Variants in CPEB2 observed in about 807,000 individuals in gnomAD.
The protein encoded by CPEB2 is cytoplasmic polyadenylation element binding protein 2.
Under a neutral mutation model 93.6 loss-of-function variants are expected in CPEB2, and 56 were observed. That is an observed-to-expected ratio of 0.60 (90% CI 0.48 to 0.75). The LOEUF is 0.75. Ranked by LOEUF, CPEB2 falls within the 30% of genes least tolerant of loss-of-function variation. The probability of loss-of-function intolerance (pLI) is 0.00; values close to 1 mark genes in which losing one functional copy is unlikely to be tolerated. For missense variants in CPEB2, 1,579 were observed against 1,395.1 expected (o/e 1.13, Z -2.10); for synonymous variants, 764 against 586.3 (o/e 1.30, Z -4.38).
chr4:15,052,548 G>A lies in CPEB2; in HGVS notation c.2335G>A (p.Val779Ile), dbSNP rs1478057122. ...GCGAATAGAACGCTTCTCTCGAAAA[G>A]TTTTTGTTGGTGGTCTTCCTCCAGA... is the stretch of plus-strand genomic sequence containing the variant. ...GERIERFSRKVFVGGLPPDID... is the reference protein window; with the variant it reads ...GERIERFSRKIFVGGLPPDID... The change falls in exon 7 of 12, where the codon GTT becomes ATT. Residue 779 changes from valine (V) to isoleucine (I), a missense_variant. Transcript: ENST00000538197. The A allele has an allele frequency of 6.4e-7, 1 of 1,558,398 alleles. No individual in the cohort carries two copies. Among genetic ancestry groups the A allele is most frequent in the Non-Finnish European group, 8.7e-7 (1 of 1,144,926 alleles).
rs751543527 is a variant in CPEB2, at chr4:15,004,149, C to T, written c.1476C>T (p.Phe492=). The T allele has an allele frequency of 6.4e-6, 9 of 1,396,784 alleles. No individual in the cohort carries two copies. The South Asian group carries it at 1.2e-4, about 18-fold the overall frequency. The allele number at this position is 1,396,784 out of a possible 1,614,324, so 86.5% of individuals were successfully genotyped here. A position where few individuals can be genotyped will look rare whatever the true frequency, so the allele number is the denominator to read the frequency against. The change falls in exon 1 of 12, where the codon TTC becomes TTT. Residue 492 remains phenylalanine (F), a synonymous_variant. Transcript: ENST00000538197. ...GCGGCGGCGGCTTCGGCGGCCCCTT[C>T]TCGGCTACCGCTGTGCCCCCTCCGC... ...GGGGGGFGGP[F]SATAVPPPPP... is the part of the protein sequence containing the mutation.
chr4:15,066,377 C>G lies in CPEB2; in HGVS notation c.3102C>G (p.Asn1034Lys). Reference sequence around the variant, plus strand: ...CACGTCAGATCCACTTCCGCTGGAACTAAGAATAGCAAACTGGCCTCTGTT... The same window carrying G: ...CACGTCAGATCCACTTCCGCTGGAAGTAAGAATAGCAAACTGGCCTCTGTT... ...DRPRQIHFRW[N>K] The change falls in exon 12 of 12, where the codon AAC becomes AAG. Residue 1034 changes from asparagine to lysine, a missense_variant. Around this residue, in one of 2 missense-constraint regions of CPEB2, gnomAD observed 168 missense variants for 339.1 expected, o/e 0.50. Coordinates refer to ENST00000538197, the MANE Select transcript of CPEB2 (RefSeq NM_001177382.2). 3 of 1,592,572 alleles carry G rather than the reference C, an allele frequency of 1.9e-6. No homozygotes were observed. The highest frequency in any genetic ancestry group is 2.6e-6 in the Non-Finnish European group (3 of 1,167,692).
chr4:15,020,601 T>A (rs1724701761), intron 4 of CPEB2, among the ~76,000 whole-genome samples: 1 of 152,142 alleles, frequency 6.6e-6, no homozygotes, highest in African/African-American at 2.4e-5. Flanking sequence ...AATGTTAATA[T>A]TTTCATGGTC....
chr4:15,025,404 G>T (rs774756241), intron 4 of CPEB2, among the ~76,000 whole-genome samples: 7 of 151,580 alleles, frequency 4.6e-5, no homozygotes, highest in Non-Finnish European at 8.8e-5. Context: ...TCATGTTGGG[G>T]GCTTCATCTT....
intron 6 of CPEB2, among the ~76,000 whole-genome samples, chr4:15,040,932 T>C (rs1274436513): frequency 3.9e-5 from 6 of 152,170 alleles, no homozygotes; most frequent in Admixed American, 3.9e-4. Flanking sequence ...ACCAAATAGA[T>C]TATTTTTAAC....
chr4:15,035,593 AT>A (rs1311211382), intron 5 of CPEB2, among the ~76,000 whole-genome samples: 7 of 152,212 alleles, frequency 4.6e-5, no homozygotes, highest in Admixed American at 3.9e-4. Context: ...AAGAGAAAAC[AT>A]AACTGATATT....
At chr4:15,022,762 T>A (rs1412473050) in intron 4 of CPEB2, among the ~76,000 whole-genome samples, 1 of 152,112 alleles carries the variant, frequency 6.6e-6, no homozygotes, top group Non-Finnish European at 1.5e-5. Context: ...TACTTGACCC[T>A]TCCACTACTA....
intron 10 of CPEB2, 113 bp downstream of exon 10, chr4:15,059,414 C>T: frequency 1.8e-6 from 1 of 569,098 alleles, no homozygotes; most frequent in Non-Finnish European, 3.0e-6. Flanking sequence ...AGAGCAGGAG[C>T]AGATTCTGCA....
intron 8 of CPEB2, among the ~76,000 whole-genome samples, chr4:15,054,577 A>C (rs1728541555): frequency 6.6e-6 from 1 of 152,256 alleles, no homozygotes; most frequent in Admixed American, 6.5e-5. Context: ...TAAATAATTT[A>C]GATAAAAGAC....
chr4:15,003,368 C>T lies in CPEB2; in HGVS notation c.695C>T (p.Pro232Leu), dbSNP rs773279067. 303 of 1,386,194 alleles carry T rather than the reference C, an allele frequency of 2.2e-4. No individual in the cohort carries two copies. The highest frequency in any genetic ancestry group is 1.1e-3 in the South Asian group (64 of 58,516). 85.9% of individuals were successfully genotyped at this position (1,386,194 alleles called of 1,614,324 possible). A position where few individuals can be genotyped will look rare whatever the true frequency, so the allele number is the denominator to read the frequency against. The change falls in exon 1 of 12, where the codon CCG (proline) becomes CTG (leucine). Residue 232 changes from proline (P) to leucine (L), a missense_variant. Physicochemically the swap from Pro to Leu is moderately conservative, Grantham distance 98 (BLOSUM62 -3). Around this residue, in one of 2 missense-constraint regions of CPEB2, gnomAD observed 1,411 missense variants for 1,056.0 expected, o/e 1.34. Coordinates refer to ENST00000538197, the MANE Select transcript of CPEB2 (RefSeq NM_001177382.2). ...AQLAQRQQQQ[P>L]PQQFSLLHQQ... ...CTCGCTCAGCGCCAGCAGCAACAGC[C>T]GCCGCAGCAGTTCAGCCTCCTGCAT... is the stretch of plus-strand genomic sequence containing the variant.
intron 1 of CPEB2, among the ~76,000 whole-genome samples, chr4:15,006,254 C>G (rs1289808635): frequency 6.6e-6 from 1 of 152,086 alleles, no homozygotes; most frequent in African/African-American, 2.4e-5. Context: ...TGCTGTAGAT[C>G]AGGAGTTTCT....
At chr4:15,026,417 G>A (rs773728464) in intron 4 of CPEB2, among the ~76,000 whole-genome samples, 5 of 151,878 alleles carry the variant, frequency 3.3e-5, no homozygotes, top group Non-Finnish European at 5.9e-5. Context: ...TAGTAGAGAT[G>A]GGGTTTCACC....
At chr4:15,040,733 A>C (rs1163653502) in intron 6 of CPEB2, among the ~76,000 whole-genome samples, 1 of 152,182 alleles carries the variant, frequency 6.6e-6, no homozygotes, top group Non-Finnish European at 1.5e-5. Context: ...TAGTTTTTAA[A>C]GTTACTTCTG....
rs897665143 is a variant in CPEB2 at position 15,003,225 on chromosome 4, T to A, written c.552T>A (p.Pro184=). The A allele has an allele frequency of 6.6e-7, 1 of 1,526,400 alleles. No individual in the cohort carries two copies. Among genetic ancestry groups the A allele is most frequent in the African/African-American group, 1.4e-5 (1 of 70,336 alleles). 94.6% of individuals were successfully genotyped at this position (1,526,400 alleles called of 1,614,324 possible). A position where few individuals can be genotyped will look rare whatever the true frequency, so the allele number is the denominator to read the frequency against. ...GCCAGAAGAGGAAAGAGTTCAGCCC[T>A]CCCCACCTTCCCCACCCTCCGGACT... ...LSSQKRKEFS[P]PHLPHPPDSK... The change falls in exon 1 of 12, where the codon CCT becomes CCA. Residue 184 remains proline (P), a synonymous_variant. Coordinates refer to ENST00000538197, the MANE Select transcript of CPEB2 (RefSeq NM_001177382.2).
intron 4 of CPEB2, among the ~76,000 whole-genome samples, chr4:15,018,374 G>T (rs1474195202): frequency 6.6e-6 from 1 of 151,686 alleles, no homozygotes; most frequent in Non-Finnish European, 1.5e-5. Context: ...ATTTTAAGGA[G>T]CTTGAGAAGC....
chr4:15,042,367 T>A (rs1196616604), intron 6 of CPEB2, among the ~76,000 whole-genome samples: 2 of 152,242 alleles, frequency 1.3e-5, no homozygotes, highest in African/African-American at 4.8e-5. Flanking sequence ...CCTGCTTTTA[T>A]ATAGGAACCA....
Position 15,004,135 on chromosome 4 carries a change from T to C in CPEB2, c.1462T>C (p.Phe488Leu). 1.6e-5 allele frequency: 9 copies of C among 566,074 alleles called. No individual in the cohort carries two copies. Among genetic ancestry groups the C allele is most frequent in the Non-Finnish European group, 2.7e-5 (9 of 332,036 alleles). The allele number at this position is 566,074 out of a possible 1,614,324, so 35.1% of individuals were successfully genotyped here. A position where few individuals can be genotyped will look rare whatever the true frequency, so the allele number is the denominator to read the frequency against. ...VPTSGGGGGG[F>L]GGPFSATAVP... ...GACGAGCGGCGGCGGCGGCGGCGGC[T>C]TCGGCGGCCCCTTCTCGGCTACCGC... The change falls in exon 1 of 12, where the codon TTC (phenylalanine) becomes CTC (leucine). Residue 488 changes from phenylalanine (F) to leucine (L), a missense_variant. Transcript: ENST00000538197.
chr4:15,003,723 G>GGGC lies in CPEB2; in HGVS notation c.1068_1070dup (p.Gly360dup), dbSNP rs527630065. 7,373 of 1,305,774 alleles carry GGGC rather than the reference G, an allele frequency of 5.6e-3. 35 individuals carry two copies. Among genetic ancestry groups the GGGC allele is most frequent in the East Asian group, 0.038 (1,158 of 30,802 alleles). 80.9% of individuals were successfully genotyped at this position (1,305,774 alleles called of 1,614,324 possible). A position where few individuals can be genotyped will look rare whatever the true frequency, so the allele number is the denominator to read the frequency against. ...TGCAGAGCCCGGACCTTCCACACCC[G>GGGC]GGCGGCGGCGGCGGCGGCGGGGGCG... On this transcript the variant is annotated inframe_insertion, in exon 1 of 12. Transcript: ENST00000538197.
At chr4:15,008,249 T>C (rs1723071160) in intron 2 of CPEB2, 89 bp from the exon 3 acceptor site, 1 of 913,314 alleles carries the variant, frequency 1.1e-6, no homozygotes, top group Non-Finnish European at 1.8e-6. Flanking sequence ...AAGATAGAGC[T>C]TTATTTTTTG....
Sources: gnomAD v4.1 joint callset for allele counts (sites outside exome capture counted in the v4.1 genomes callset) on GRCh38, gnomAD v4.1.1 for gene constraint, gnomAD v4.1.1 regional missense constraint, MANE v1.5 for transcripts, NCBI Gene and HGNC (gene_info 2026-07-23, HGNC 2026-07-21) for gene names.